The following RASSF3 variants were observed in gnomAD, a reference collection of about 807,000 sequenced individuals.
RASSF3 encodes the protein Ras association domain family member 3.
A neutral mutation model predicts 19.9 loss-of-function variants in RASSF3; 19 were observed. The ratio of observed to expected loss-of-function variants is 0.96; its 90% confidence interval spans 0.67 to 1.40. The LOEUF is 1.40. Among genes scored for constraint, RASSF3 ranks in the 40% most tolerant of loss-of-function variants. The pLI is 0.00. For missense variants in RASSF3, 306 were observed against 289.8 expected (o/e 1.06, Z -0.41); for synonymous variants, 110 against 104.2 (o/e 1.06, Z -0.34).
In RASSF3 at chr12:64,610,523, G is replaced by T; in HGVS notation, c.-110G>T. 1 of 386,384 alleles carries T rather than the reference G, an allele frequency of 2.6e-6. No homozygotes were observed. Among genetic ancestry groups the T allele is most frequent in the Non-Finnish European group, 4.3e-6 (1 of 232,656 alleles). 23.9% of individuals were successfully genotyped at this position (386,384 alleles called of 1,614,324 possible). A position where few individuals can be genotyped will look rare whatever the true frequency, so the allele number is the denominator to read the frequency against. ...TGAGCGGCGGCCGCAGCTGCATAAG[G>T]ACTGCCCGGGGCTGCGCGCCGGGAA... On this transcript the variant is annotated 5_prime_UTR_variant, in exon 1 of 5. Transcript: ENST00000542104.
intron 1 of RASSF3, among the ~76,000 whole-genome samples, chr12:64,616,397 G>C (rs1412117143): frequency 6.6e-6 from 1 of 152,002 alleles, no homozygotes; most frequent in Non-Finnish European, 1.5e-5. Flanking sequence ...TTCTTTTTCT[G>C]GGAGAAAAAA....
intron 2 of RASSF3, among the ~76,000 whole-genome samples, chr12:64,558,616 T>A (rs1225954737): frequency 6.6e-6 from 1 of 152,192 alleles, no homozygotes; most frequent in Non-Finnish European, 1.5e-5. Flanking sequence ...ATTTAAACCC[T>A]ATGTCCAATA....
At chr12:64,508,754 C>T (rs552734473) in intron 1 of RASSF3, among the ~76,000 whole-genome samples, 12 of 151,722 alleles carry the variant, frequency 7.9e-5, no homozygotes, top group Admixed American at 1.3e-4. Context: ...TGTGGTAGCA[C>T]ATGCCTGTAA....
At chr12:64,661,755 T>C (rs572046) in intron 1 of RASSF3, among the ~76,000 whole-genome samples, 116,546 of 145,990 alleles carry the variant, frequency 0.8, 46,915 homozygotes, top group African/African-American at 0.88. Flanking sequence ...GATCTTGGCC[T>C]ACTGCAGCCT....
chr12:64,624,905 G>T (rs191803713), intron 1 of RASSF3, among the ~76,000 whole-genome samples: 3 of 151,524 alleles, frequency 2.0e-5, no homozygotes, highest in East Asian at 1.9e-4. Flanking sequence ...CTGACTTCGC[G>T]ATCTGCCCGC....
intron 1 of RASSF3, among the ~76,000 whole-genome samples, chr12:64,660,900 A>G (rs911765882): frequency 2.0e-5 from 3 of 152,068 alleles, no homozygotes; most frequent in Admixed American, 6.6e-5. Context: ...CTCCCCATCA[A>G]CTTCCCATCT....
At chr12:64,542,854 C>T (rs952214404), downstream of RASSF3, among the ~76,000 whole-genome samples, 1 of 152,204 alleles carries the variant, frequency 6.6e-6, no homozygotes, top group African/African-American at 2.4e-5. Flanking sequence ...CTTCAGCCCG[C>T]CGCTGCACTG....
chr12:64,679,735 G>A (rs1873050095), intron 1 of RASSF3, among the ~76,000 whole-genome samples: 1 of 152,196 alleles, frequency 6.6e-6, no homozygotes, highest in South Asian at 2.1e-4. Context: ...GAAGAGTCTA[G>A]GATTTATGAA....
At chr12:64,533,162 C>G (rs1868750391), upstream of RASSF3, 1 of 152,306 alleles carries the variant, frequency 6.6e-6, no homozygotes. Flanking sequence ...AGGGCCTGCT[C>G]CCTGGTGGGC....
At chr12:64,612,897 G>A (rs1317396820) in intron 1 of RASSF3, among the ~76,000 whole-genome samples, 2 of 152,128 alleles carry the variant, frequency 1.3e-5, no homozygotes, top group African/African-American at 2.4e-5. Flanking sequence ...TTGAAATATC[G>A]TGTTGGAAAT....
At chr12:64,525,092 A>G (rs562506909) in intron 1 of RASSF3, among the ~76,000 whole-genome samples, 1 of 152,212 alleles carries the variant, frequency 6.6e-6, no homozygotes, top group South Asian at 2.1e-4. Flanking sequence ...CATAGCCAAC[A>G]TGGTGAAACC....
At chr12:64,650,408 C>CTTTTTTT (rs67304103) in intron 1 of RASSF3, among the ~76,000 whole-genome samples, 24 of 85,468 alleles carry the variant, frequency 2.8e-4, no homozygotes, top group South Asian at 5.0e-4. Context: ...TTTTTTTTTC[C>CTTTTTTT]TTTTTTTTTT....
rs765875843 is a variant in RASSF3 at position 64,598,317 on chromosome 12, A to G, written c.294+56612A>G. 9.2e-5 allele frequency among the ~76,000 whole-genome samples: 14 copies of G among 152,342 alleles called. No homozygotes were observed. In the Middle Eastern group the frequency reaches 0.014, roughly 148 times the overall value. ...GGTAATCACAGTCTGTTATCATTAC[A>G]TAATTGTTCTATGGGGAATATTTTT... On this transcript the variant is annotated intron_variant, in intron 2 of 5. Transcript: ENST00000637125.
chr12:64,605,001 TTTTAGGCAGAGCCTTGC>T (rs1870165888), intron 2 of RASSF3, among the ~76,000 whole-genome samples: 1 of 151,488 alleles, frequency 6.6e-6, no homozygotes, highest in Non-Finnish European at 1.5e-5. Context: ...TTTATTTTTT[TTTTAGGCAGAGCCTTGC>T]TCTGTTGCCC....
chr12:64,641,022 TC>T (rs533586562), intron 1 of RASSF3, among the ~76,000 whole-genome samples: 84 of 152,156 alleles, frequency 5.5e-4, no homozygotes, highest in Non-Finnish European at 9.4e-4. Context: ...TTTTTAATAG[TC>T]TTATTTCATG....
intron 1 of RASSF3, among the ~76,000 whole-genome samples, chr12:64,679,459 A>T (rs917535845): frequency 6.6e-6 from 1 of 152,268 alleles, no homozygotes. Context: ...AAAATTAACC[A>T]AAAGAGTATA....
intron 1 of RASSF3, among the ~76,000 whole-genome samples, chr12:64,678,241 A>G (rs1164162492): frequency 6.6e-6 from 1 of 152,244 alleles, no homozygotes; most frequent in Non-Finnish European, 1.5e-5. Context: ...TTCCTAGGCT[A>G]GAACCTGTTC....
chr12:64,571,120 G>A (rs1435632270), intron 2 of RASSF3, among the ~76,000 whole-genome samples: 1 of 152,114 alleles, frequency 6.6e-6, no homozygotes, highest in Non-Finnish European at 1.5e-5. Context: ...GGGAGGCTGA[G>A]GCAGGAGAAT....
At chr12:64,615,744 C>T (rs542652873) in intron 1 of RASSF3, among the ~76,000 whole-genome samples, 5 of 149,546 alleles carry the variant, frequency 3.3e-5, no homozygotes, top group Non-Finnish European at 5.9e-5. Context: ...GGTGTGATCT[C>T]GGCTCTGCAA....
Sources: allele counts gnomAD v4.1 joint callset (sites outside exome capture counted in the v4.1 genomes callset), GRCh38; gene constraint gnomAD v4.1.1; transcripts MANE v1.5; gene names NCBI Gene and HGNC (gene_info 2026-07-23, HGNC 2026-07-21).